Variants in CEP170B observed in about 807,000 individuals in gnomAD.
CEP170B encodes the protein centrosomal protein 170B, also known as centrosomal protein of 170 kDa protein B.
A neutral mutation model predicts 120.6 loss-of-function variants in CEP170B; 55 were observed. The ratio of observed to expected loss-of-function variants is 0.46; its 90% CI spans 0.37 to 0.57. The LOEUF is 0.57. Ranked by LOEUF, CEP170B falls within the 20% of genes least tolerant of loss-of-function variation. The pLI, the probability that CEP170B is intolerant of heterozygous loss-of-function variation, is 0.00. For missense variants in CEP170B, 2,212 were observed against 2,253.3 expected, an observed-to-expected ratio of 0.98 and a Z score of 0.37; for synonymous variants, 1,033 against 954.5, an observed-to-expected ratio of 1.08 and a Z score of -1.52.
intron 2 of CEP170B, among the ~76,000 whole-genome samples, chr14:104,871,882 G>C (rs1377538925): frequency 6.6e-6 from 1 of 152,244 alleles, no homozygotes; most frequent in Non-Finnish European, 1.5e-5. Flanking sequence ...GCAGGTAGAC[G>C]GGTAGGGGAG....
rs1487177347 is a variant in CEP170B at position 104,867,216 on chromosome 14, ATCCCTCTGCCCTG to A, written c.-27-1194_-27-1182del. 1.3e-5 allele frequency among the ~76,000 whole-genome samples: 2 copies of A among 151,864 alleles called. No individual in the cohort carries two copies. Among genetic ancestry groups the A allele is most frequent in the Non-Finnish European group, 1.5e-5 (1 of 67,972 alleles). On this transcript the variant is annotated intron_variant, in intron 1 of 18. Transcript: ENST00000414716. This position sits in a 1 kb window ranked among gnomAD's most constrained non-coding sequence, Gnocchi z 5.4. ...CTCCCAGGGGTATGTGAGGCCCTCC[ATCCCTCTGCCCTG>A]TCCCTCTGCCCTGGTGGCACCAGCT...
chr14:104,875,750 A>G (rs984840388), intron 2 of CEP170B, among the ~76,000 whole-genome samples: 1 of 152,234 alleles, frequency 6.6e-6, no homozygotes, highest in African/African-American at 2.4e-5. Context: ...TTGTGAGGGC[A>G]CTAGGGCACC....
chr14:104,868,465 C>G lies in CEP170B; in HGVS notation c.15C>G (p.Ser5=). The G allele has an allele frequency of 6.5e-7, 1 of 1,548,998 alleles. No individual in the cohort carries two copies. The highest frequency in any genetic ancestry group is 8.7e-7 in the Non-Finnish European group (1 of 1,146,914). ...CCAGCACCAAGATGAGTGCCACGTC[C>G]TGGTTCCTGGTGAGCAGCAGCGGCG... The part of the protein sequence containing the change: MSAT[S]WFLVSSSGAR... Residue 5 remains serine, a synonymous_variant, in exon 2 of 19, where the codon TCC becomes TCG. Transcript: ENST00000414716. The surrounding 1 kb of genome is among the most constrained non-coding windows in gnomAD (Gnocchi z 5.9).
Position 104,886,665 on chromosome 14 carries a change from C to T in CEP170B, c.2426C>T (p.Ser809Phe). The T allele has an allele frequency of 6.5e-7, 1 of 1,539,752 alleles. No individual in the cohort carries two copies. Among genetic ancestry groups the T allele is most frequent in the Non-Finnish European group, 8.7e-7 (1 of 1,146,174 alleles). The stretch of plus-strand genomic sequence containing the variant: ...GACCAGAATGGGGACGCTGTGTTAT[C>T]TAGGAAACCGCTTGCGGCTCCAGGG... ...IGDQNGDAVL[S>F]RKPLAAPGDG... The change falls in exon 12 of 19, where the codon TCT (serine) becomes TTT (phenylalanine). Residue 809 changes from serine (S) to phenylalanine (F), a missense_variant. By Grantham distance (155) the Ser-to-Phe change is radical. This residue lies in a region of CEP170B where 2,166 missense variants were observed against 2,166.7 expected (regional missense o/e 1.00). Transcript: ENST00000414716.
At chr14:104,877,254 G>T (rs1222902130) in intron 3 of CEP170B, among the ~76,000 whole-genome samples, 2 of 152,188 alleles carry the variant, frequency 1.3e-5, no homozygotes, top group South Asian at 2.1e-4. Context: ...CTGCCTGTGT[G>T]GACTGCGTCA....
At chr14:104,883,536 G>A (rs757632915) in intron 8 of CEP170B, 28 bp downstream of exon 8, 1 of 1,513,150 alleles carries the variant, frequency 6.6e-7, no homozygotes, top group East Asian at 2.5e-5. Context: ...GGCCGTGCCA[G>A]TCCCGGGACA....
chr14:104,865,293 CCGCCGG>C lies in CEP170B; in HGVS notation c.-245_-240del, dbSNP rs1178359908. On this transcript the variant is annotated 5_prime_UTR_variant, in exon 1 of 19. Coordinates refer to ENST00000414716, the MANE Select transcript of CEP170B (RefSeq NM_001112726.3). The surrounding 1 kb of genome is among the most constrained non-coding windows in gnomAD (Gnocchi z 6.7). ...AGACGTCAGGGACCCGCGCGCGAGG[CCGCCGG>C]CGGCCGCTCTGCCGTGGGCTCGGCC... 5 of 146,220 alleles carry C rather than the reference CCGCCGG, an allele frequency of 3.4e-5. No individual in the cohort carries two copies. The highest frequency in any genetic ancestry group is 9.9e-5 in the African/African-American group (4 of 40,586). The allele number at this position is 146,220 out of a possible 1,614,324, so 9.1% of individuals were successfully genotyped here.
rs932908982 is a variant in CEP170B, at chr14:104,886,187, A to G, written c.2035+57A>G. 17 of 1,479,950 alleles carry G rather than the reference A, an allele frequency of 1.1e-5. No homozygotes were observed. The Admixed American group carries it at 3.3e-4, about 28-fold the overall frequency. 91.7% of individuals were successfully genotyped at this position (1,479,950 alleles called of 1,614,324 possible). A position where few individuals can be genotyped will look rare whatever the true frequency, so the allele number is the denominator to read the frequency against. ...GCCAGGCCGGGGCGGGCCTCAGGCCACTGACCACGGACACAGGCTGCCTCT... is the reference window on the plus strand; with the variant it reads ...GCCAGGCCGGGGCGGGCCTCAGGCCGCTGACCACGGACACAGGCTGCCTCT... On this transcript the variant is annotated intron_variant, in intron 11 of 18. Transcript: ENST00000414716.
Position 104,865,322 on chromosome 14 carries a change from G to A in CEP170B, c.-219G>A, listed in dbSNP as rs1203737331. On this transcript the variant is annotated 5_prime_UTR_variant, in exon 1 of 19. Transcript: ENST00000414716. The surrounding 1 kb of genome is among the most constrained non-coding windows in gnomAD (Gnocchi z 6.7). ...CGGCGGCCGCTCTGCCGTGGGCTCG[G>A]CCCGGGCTGCCACGAGCGTGCGGGC... 2.0e-5 allele frequency: 3 copies of A among 146,966 alleles called. No individual in the cohort carries two copies. The East Asian group carries it at 6.0e-4, about 29-fold the overall frequency. The allele number at this position is 146,966 out of a possible 1,614,324, so 9.1% of individuals were successfully genotyped here.
rs748988139 is a variant in CEP170B, at chr14:104,887,062, C to T, written c.2823C>T (p.Ser941=). The change falls in exon 12 of 19, where the codon AGC becomes AGT. Residue 941 remains serine, a synonymous_variant. Transcript: ENST00000414716. ...TGGATGCCGAGTGTGAGGGGGGCAG[C>T]ACCCCGAGGCCGCCGGAGGACGCCC... ...NSVDAECEGG[S]TPRPPEDALS... 2.5e-6 allele frequency: 4 copies of T among 1,611,440 alleles called. No homozygotes were observed. The South Asian group carries it at 4.4e-5, about 18-fold the overall frequency.
rs761818992 is a variant in CEP170B at position 104,882,802 on chromosome 14, G to A, written c.547G>A (p.Asp183Asn). The A allele has an allele frequency of 9.9e-6, 16 of 1,612,202 alleles. No individual in the cohort carries two copies. In the African/African-American group the frequency reaches 2.1e-4, roughly 22 times the overall value. ...TGAGGACGATGGTAGCACGCTGCCT[G>A]ACGCCCAGCGCCAGGGAGAGCCCTA... ...WGEDDGSTLPDAQRQGEPYPE... is the reference protein window; with the variant it reads ...WGEDDGSTLPNAQRQGEPYPE... Residue 183 changes from aspartate to asparagine, a missense_variant, in exon 7 of 19, where the codon GAC becomes AAC. Physicochemically the swap from Asp to Asn is conservative, Grantham distance 23. Around this residue, in one of 2 missense-constraint regions of CEP170B, gnomAD observed 2,166 missense variants for 2,166.7 expected, o/e 1.00. Coordinates refer to ENST00000414716, the MANE Select transcript of CEP170B (RefSeq NM_001112726.3).
intron 6 of CEP170B, among the ~76,000 whole-genome samples, chr14:104,880,911 C>G (rs2582559): frequency 0.15 from 22,480 of 151,786 alleles, 2,431 homozygotes; most frequent in African/African-American, 0.31. Flanking sequence ...CACACAGCTA[C>G]CCATGCACAC....
upstream of CEP170B, chr14:104,865,147 G>T (rs1314546503): frequency 4.7e-5 from 7 of 148,810 alleles, no homozygotes; most frequent in South Asian, 1.9e-4. The surrounding 1 kb of genome is among the most constrained non-coding windows in gnomAD (Gnocchi z 6.7). Flanking sequence ...TGGCGGCCGC[G>T]GACCCGCCCT....
intron 12 of CEP170B, 103 bp downstream of exon 12, chr14:104,888,081 T>A (rs1896618885): frequency 7.9e-7 from 1 of 1,270,196 alleles, no homozygotes; most frequent in African/African-American, 1.5e-5. Flanking sequence ...CCCCTGGTCC[T>A]GGCACGAGAG....
chr14:104,876,203 G>C, intron 2 of CEP170B, 53 bp from the exon 3 acceptor site: 1 of 1,523,206 alleles, frequency 6.6e-7, no homozygotes, highest in Non-Finnish European at 8.9e-7. Context: ...TCTGCCTCTT[G>C]GGTGTCACCT....
rs375553981 is a variant in CEP170B, at chr14:104,876,342, T to C, written c.192T>C (p.Asn64=). The C allele has an allele frequency of 3.4e-5, 53 of 1,550,768 alleles. No homozygotes were observed. In the African/African-American group the frequency reaches 7.0e-4, roughly 20 times the overall value. ...EHWVKDLGSL[N]GTFVNDMRIP... is the part of the protein sequence containing the mutation. ...GGGTGAAGGACCTGGGCAGCCTCAATGGGGTAAGTGTGAGAGGCCCTGGCC... is the reference window on the plus strand; with the variant it reads ...GGGTGAAGGACCTGGGCAGCCTCAACGGGGTAAGTGTGAGAGGCCCTGGCC... Residue 64 remains asparagine (N), a synonymous_variant, in exon 3 of 19, where the codon AAT becomes AAC. Transcript: ENST00000414716.
intron 16 of CEP170B, 194 bp from the exon 17 acceptor site, chr14:104,894,091 G>C (rs942305757): frequency 9.2e-6 from 6 of 654,078 alleles, no homozygotes; most frequent in African/African-American, 1.8e-5. Flanking sequence ...CCCGGGCCCA[G>C]CCCTCCCCAC....
Position 104,877,884 on chromosome 14 carries a change from G to T in CEP170B, c.196-1G>T. On this transcript the variant is annotated splice_acceptor_variant, in intron 3 of 18. Transcript: ENST00000414716. LOFTEE classifies it high-confidence loss of function. ...CCCCCCCGCCACCTGTTTTCCTGCA[G>T]ACGTTTGTGAATGACATGCGCATCC... 7.0e-7 allele frequency: 1 copy of T among 1,435,686 alleles called. No individual in the cohort carries two copies. The allele number at this position is 1,435,686 out of a possible 1,614,324, so 88.9% of individuals were successfully genotyped here.
rs1465728642 is a variant in CEP170B, at chr14:104,886,865, G to A, written c.2626G>A (p.Gly876Ser). Residue 876 changes from glycine to serine, a missense_variant, in exon 12 of 19, where the codon GGT becomes AGT. This residue lies in a region of CEP170B where 2,166 missense variants were observed against 2,166.7 expected (regional missense o/e 1.00). Transcript: ENST00000414716. ...QESFTKEPAS[G>S]PPAPGKPPHI... ...GAGCTTCACTAAGGAGCCAGCCAGT[G>A]GTCCCCCAGCGCCCGGCAAGCCCCC... The A allele has an allele frequency of 3.7e-6, 6 of 1,610,716 alleles. No homozygotes were observed. The highest frequency in any genetic ancestry group is 1.7e-5 in the Admixed American group (1 of 60,026).
Sources: allele counts gnomAD v4.1 joint callset (sites outside exome capture counted in the v4.1 genomes callset), GRCh38; gene constraint gnomAD v4.1.1; regional missense constraint gnomAD v4.1.1; non-coding constraint Gnocchi (gnomAD v3.1); transcripts MANE v1.5; gene names NCBI Gene and HGNC (gene_info 2026-07-23, HGNC 2026-07-21).